Variants in TICAM2 observed in about 807,000 individuals in gnomAD.
TICAM2 encodes TIR domain-containing adapter molecule 2.
TICAM2 carries 8 observed loss-of-function variants against 7.3 expected under a neutral mutation model. The ratio of observed to expected loss-of-function variants is 1.10; its 90% confidence interval spans 0.65 to 1.99. The LOEUF (loss-of-function observed/expected upper bound fraction) is 1.99, where lower values mean the gene tolerates loss of function less well. Ranked by LOEUF, TICAM2 falls within the 30% of genes most tolerant of loss-of-function variation. The pLI, the probability that TICAM2 is intolerant of heterozygous loss-of-function variation, is 0.00. For missense variants in TICAM2, 304 were observed against 278.8 expected (o/e 1.09, Z -0.65); for synonymous variants, 113 against 99.6 (o/e 1.13, Z -0.80).
At chr5:115,588,364 A>G (rs1755187161) in intron 1 of TICAM2, among the ~76,000 whole-genome samples, 1 of 152,196 alleles carries the variant, frequency 6.6e-6, no homozygotes, top group South Asian at 2.1e-4. Context: ...AATGTCTGTG[A>G]TGAATATTAC....
chr5:115,593,515 AAAAGG>A (rs1433169036), intron 1 of TICAM2, among the ~76,000 whole-genome samples: 3 of 152,218 alleles, frequency 2.0e-5, no homozygotes, highest in Non-Finnish European at 2.9e-5. Flanking sequence ...GATAAAATAT[AAAAGG>A]AAAGTACTAA....
In TICAM2 at chr5:115,580,399, C is replaced by G; in HGVS notation, c.*150G>C. The G allele has an allele frequency of 9.5e-7, 1 of 1,048,546 alleles. No individual in the cohort carries two copies. The highest frequency in any genetic ancestry group is 2.6e-5 in the South Asian group (1 of 38,710). The allele number at this position is 1,048,546 out of a possible 1,614,324, so 65.0% of individuals were successfully genotyped here. On this transcript the variant is annotated 3_prime_UTR_variant, in exon 2 of 2. Coordinates refer to ENST00000427199, the MANE Select transcript of TICAM2 (RefSeq NM_021649.7). ...AAGTACCACAATTTTATAGGCTGTC[C>G]TGCAGAAATTTATCTTTCTTGTGCT... is the stretch of plus-strand genomic sequence containing the variant.
rs187366203 is a variant in TICAM2 at position 115,578,598 on chromosome 5, A to C, written c.*1951T>G. Reference sequence around the variant, plus strand: ...ACAAATCGATGCTTCATTTCAAAACACTCTTCCACAATCTTCATTGGAGTT... The same window carrying C: ...ACAAATCGATGCTTCATTTCAAAACCCTCTTCCACAATCTTCATTGGAGTT... On this transcript the variant is annotated 3_prime_UTR_variant, in exon 2 of 2. Coordinates refer to ENST00000427199, the MANE Select transcript of TICAM2 (RefSeq NM_021649.7). 1 of 152,104 alleles carries C rather than the reference A, an allele frequency of 6.6e-6. No individual in the cohort carries two copies. The highest frequency in any genetic ancestry group is 1.9e-4 in the East Asian group (1 of 5,176). 9.4% of individuals were successfully genotyped at this position (152,104 alleles called of 1,614,324 possible). A position where few individuals can be genotyped will look rare whatever the true frequency, so the allele number is the denominator to read the frequency against.
chr5:115,581,915 G>A (rs1047453253), intron 1 of TICAM2: 1 of 152,504 alleles, frequency 6.6e-6, no homozygotes, highest in Non-Finnish European at 1.5e-5. Context: ...GCATTGTGGT[G>A]ATGGTGAATC....
chr5:115,586,227 A>G (rs1755099654), intron 1 of TICAM2, among the ~76,000 whole-genome samples: 1 of 152,306 alleles, frequency 6.6e-6, no homozygotes, highest in African/African-American at 2.4e-5. Flanking sequence ...TATTGTTGTC[A>G]TTATTATTAA....
chr5:115,583,763 T>C (rs1198523319), intron 1 of TICAM2, among the ~76,000 whole-genome samples: 2 of 152,048 alleles, frequency 1.3e-5, no homozygotes, highest in East Asian at 3.9e-4. Context: ...GTTAACTCCA[T>C]CAGTAAAAAG....
intron 1 of TICAM2, among the ~76,000 whole-genome samples, chr5:115,583,596 G>A (rs910260582): frequency 2.0e-5 from 3 of 152,190 alleles, no homozygotes; most frequent in African/African-American, 7.2e-5. Context: ...GAGGGAGGGA[G>A]TAAGGAGACT....
intron 1 of TICAM2, among the ~76,000 whole-genome samples, chr5:115,594,075 C>CT (rs1755415507): frequency 6.6e-6 from 1 of 152,092 alleles, no homozygotes; most frequent in South Asian, 2.1e-4. Flanking sequence ...ATGCTTGGTC[C>CT]TTTTCTCTTC....
At chr5:115,583,160 T>G (rs1754989016) in intron 1 of TICAM2, among the ~76,000 whole-genome samples, 1 of 152,156 alleles carries the variant, frequency 6.6e-6, no homozygotes, top group East Asian at 1.9e-4. Flanking sequence ...AAAAAAAGGG[T>G]TTTGCTATGC....
In TICAM2 at chr5:115,580,685, G is replaced by GT; in HGVS notation, c.571dup (p.Thr191AsnfsTer26). On this transcript the variant is annotated frameshift_variant, in exon 2 of 2. Coordinates refer to ENST00000427199, the MANE Select transcript of TICAM2 (RefSeq NM_021649.7). LOFTEE classifies it low-confidence loss of function (END_TRUNC). ...ACTTTCTTCCTCTAAGGCATTGATG[G>GT]TTTGGAGGGCAAAGGGAGTCCTTTC... 6.3e-7 allele frequency: 1 copy of GT among 1,592,456 alleles called. No individual in the cohort carries two copies. Among genetic ancestry groups the GT allele is most frequent in the Non-Finnish European group, 8.5e-7 (1 of 1,172,270 alleles).
At chr5:115,589,134 A>G (rs576817927) in intron 1 of TICAM2, among the ~76,000 whole-genome samples, 2 of 152,346 alleles carry the variant, frequency 1.3e-5, no homozygotes, top group African/African-American at 4.8e-5. Flanking sequence ...TCATTGATGT[A>G]TTTGTCTGTG....
At chr5:115,590,603 T>C (rs1755266845) in intron 1 of TICAM2, among the ~76,000 whole-genome samples, 1 of 152,226 alleles carries the variant, frequency 6.6e-6, no homozygotes, top group Admixed American at 6.5e-5. Context: ...ATCCATATCC[T>C]ATCTATTAGC....
Position 115,580,572 on chromosome 5 carries a change from C to G in TICAM2, c.685G>C (p.Val229Leu), listed in dbSNP as rs138755902. The G allele has an allele frequency of 1.9e-6, 3 of 1,598,604 alleles. No homozygotes were observed. Among genetic ancestry groups the G allele is most frequent in the East Asian group, 2.2e-5 (1 of 44,538 alleles). ...TCTCAGGCAATAAATTGTCTTTGTA[C>G]CATATTTCTTGTCTCTTTCCATATA... Reference protein sequence around the residue: ...QTIWKETRNMVQRQFIA With the variant: ...QTIWKETRNMLQRQFIA Residue 229 changes from valine to leucine, a missense_variant, in exon 2 of 2, where the codon GTA becomes CTA. Transcript: ENST00000427199.
At chr5:115,592,348 T>C (rs765840559) in intron 1 of TICAM2, among the ~76,000 whole-genome samples, 6 of 152,210 alleles carry the variant, frequency 3.9e-5, no homozygotes, top group Non-Finnish European at 8.8e-5. Flanking sequence ...AATTCAATTA[T>C]TTTTTTCTTC....
rs373392566 is a variant in TICAM2, at chr5:115,594,222, C to CTTA, written c.-60+7872_-60+7874dup. Among the ~76,000 whole-genome samples the CTTA allele has an allele frequency of 3.3e-3, 502 of 152,302 alleles. 1 individual carries two copies. Among genetic ancestry groups the CTTA allele is most frequent in the Non-Finnish European group, 5.1e-3 (348 of 68,016 alleles). ...GATCAAATTAAAATATATTACAATA[C>CTTA]TTACAGTATGATCCCAATTCTGTGT... On this transcript the variant is annotated intron_variant, in intron 1 of 1. Coordinates refer to ENST00000427199, the MANE Select transcript of TICAM2 (RefSeq NM_021649.7).
Position 115,580,368 on chromosome 5 carries a change from A to G in TICAM2, c.*181T>C. The G allele has an allele frequency of 3.8e-6, 3 of 790,402 alleles. No individual in the cohort carries two copies. Among genetic ancestry groups the G allele is most frequent in the Non-Finnish European group, 5.3e-6 (3 of 569,174 alleles). The allele number at this position is 790,402 out of a possible 1,614,324, so 49.0% of individuals were successfully genotyped here. On this transcript the variant is annotated 3_prime_UTR_variant, in exon 2 of 2. Coordinates refer to ENST00000427199, the MANE Select transcript of TICAM2 (RefSeq NM_021649.7). ...CTGACAATGTCAAGTTTACTGAAAC[A>G]TCAAAAAGTACCACAATTTTATAGG...
chr5:115,598,806 G>A (rs748309656), intron 1 of TICAM2, among the ~76,000 whole-genome samples: 11 of 152,016 alleles, frequency 7.2e-5, no homozygotes, highest in Non-Finnish European at 1.6e-4. Flanking sequence ...TAGTACATAC[G>A]CTACTGATAA....
chr5:115,591,372 G>T (rs1328460610), intron 1 of TICAM2, among the ~76,000 whole-genome samples: 2 of 152,154 alleles, frequency 1.3e-5, no homozygotes, highest in East Asian at 3.9e-4. Context: ...TCTGAAATCA[G>T]ATTAAAGTGA....
rs1406882400 is a variant in TICAM2 at position 115,602,380 on chromosome 5, G to A, written c.-343C>T. 2.0e-5 allele frequency: 3 copies of A among 152,566 alleles called. No individual in the cohort carries two copies. Among genetic ancestry groups the A allele is most frequent in the Admixed American group, 2.0e-4 (3 of 15,296 alleles). 9.5% of individuals were successfully genotyped at this position (152,566 alleles called of 1,614,324 possible). Reference sequence around the variant, plus strand: ...TGGCGCCCACCCCGCCGCCCCCGAGGGGCCGCTCGAGGCCGGACTGCTGCT... The same window carrying A: ...TGGCGCCCACCCCGCCGCCCCCGAGAGGCCGCTCGAGGCCGGACTGCTGCT... On this transcript the variant is annotated 5_prime_UTR_variant, in exon 1 of 2. Transcript: ENST00000427199.
Sources: gnomAD v4.1 joint callset for allele counts (sites outside exome capture counted in the v4.1 genomes callset) on GRCh38, gnomAD v4.1.1 for gene constraint, MANE v1.5 for transcripts, NCBI Gene and HGNC (gene_info 2026-07-23, HGNC 2026-07-21) for gene names.